NTM: variants seen among roughly 807,000 people sequenced by gnomAD.
NTM encodes the protein neurotrimin.
Under a neutral mutation model 42.1 loss-of-function variants are expected in NTM, and 13 were observed. The observed-to-expected ratio is 0.31, with a 90% confidence interval of 0.20 to 0.49. NTM has a LOEUF of 0.49. NTM is among the 20% of genes least tolerant of loss of function. The pLI is 0.99. For missense variants in NTM, 373 were observed against 452.8 expected, an observed-to-expected ratio of 0.82 and a Z score of 1.60; for synonymous variants, 187 against 179.2, an observed-to-expected ratio of 1.04 and a Z score of -0.35.
chr11:132,115,815 A>T (rs762774216), intron 2 of NTM, among the ~76,000 whole-genome samples: 1 of 152,196 alleles, frequency 6.6e-6, no homozygotes, highest in African/African-American at 2.4e-5. Flanking sequence ...TTACCTGCAA[A>T]TCATTCACAC....
intron 1 of NTM, among the ~76,000 whole-genome samples, chr11:131,742,991 T>C (rs2081369643): frequency 6.6e-6 from 1 of 152,240 alleles, no homozygotes; most frequent in Non-Finnish European, 1.5e-5. Flanking sequence ...CAGCTGTTCA[T>C]GCATTTATGT....
intron 1 of NTM, among the ~76,000 whole-genome samples, chr11:131,518,255 C>T (rs1239992931): frequency 6.6e-6 from 1 of 152,084 alleles, no homozygotes; most frequent in Non-Finnish European, 1.5e-5. Context: ...TTAAAAGACT[C>T]GAGTCACCCA....
At chr11:131,856,481 C>T (rs1416913663) in intron 1 of NTM, among the ~76,000 whole-genome samples, 2 of 152,142 alleles carry the variant, frequency 1.3e-5, no homozygotes, top group African/African-American at 4.8e-5. Flanking sequence ...AAGGCATATA[C>T]ATATCTGTCC....
chr11:131,727,563 T>A (rs897501997), intron 1 of NTM, among the ~76,000 whole-genome samples: 17 of 152,084 alleles, frequency 1.1e-4, no homozygotes, highest in Non-Finnish European at 2.4e-4. Flanking sequence ...TTAGACTAAG[T>A]AAGAAAAAAC....
chr11:131,510,086 T>A (rs1029293963), intron 1 of NTM, among the ~76,000 whole-genome samples: 14 of 152,222 alleles, frequency 9.2e-5, no homozygotes, highest in Middle Eastern at 3.4e-3. Context: ...GGAGGAAAGG[T>A]CATGGGCCTG....
chr11:132,076,584 G>A (rs2058394082), intron 2 of NTM, among the ~76,000 whole-genome samples: 1 of 152,158 alleles, frequency 6.6e-6, no homozygotes, highest in Non-Finnish European at 1.5e-5. Context: ...TTGACAATAA[G>A]TTCTATGGGA....
intron 1 of NTM, among the ~76,000 whole-genome samples, chr11:131,734,372 T>G (rs2080135448): frequency 6.6e-6 from 1 of 152,184 alleles, no homozygotes; most frequent in African/African-American, 2.4e-5. Context: ...CTGATTTACA[T>G]TTTTCTACTT....
chr11:132,212,176 A>G (rs1351706165), intron 4 of NTM, 29 bp downstream of exon 4: 3 of 1,592,908 alleles, frequency 1.9e-6, no homozygotes, highest in Non-Finnish European at 2.6e-6. Flanking sequence ...GCATTGCATC[A>G]TGAGGATAAA....
intron 4 of NTM, among the ~76,000 whole-genome samples, chr11:132,280,257 G>A (rs894305479): frequency 6.6e-6 from 1 of 152,138 alleles, no homozygotes; most frequent in African/African-American, 2.4e-5. Flanking sequence ...TGCTAGCAAA[G>A]TTCCTTGGAT....
chr11:132,059,262 C>T (rs1434271097), intron 2 of NTM, among the ~76,000 whole-genome samples: 1 of 152,164 alleles, frequency 6.6e-6, no homozygotes, highest in African/African-American at 2.4e-5. Context: ...GGTGGTTCAG[C>T]AGCCCAACAA....
chr11:131,853,733 T>C (rs985214376), intron 1 of NTM, among the ~76,000 whole-genome samples: 1 of 152,204 alleles, frequency 6.6e-6, no homozygotes, highest in Non-Finnish European at 1.5e-5. Flanking sequence ...AAGAGAATGA[T>C]TTATATTCCT....
intron 1 of NTM, among the ~76,000 whole-genome samples, chr11:131,842,450 A>G (rs959545981): frequency 2.0e-5 from 3 of 152,114 alleles, no homozygotes; most frequent in East Asian, 1.9e-4. Context: ...TTCTTACTGT[A>G]TTAAGAAAAT....
chr11:132,143,213 G>A (rs559601520), intron 2 of NTM, among the ~76,000 whole-genome samples: 14 of 152,250 alleles, frequency 9.2e-5, no homozygotes, highest in Non-Finnish European at 1.9e-4. Context: ...GGAAACACAC[G>A]TCTAGGTTAG....
At chr11:131,854,950 C>T (rs983999239) in intron 1 of NTM, among the ~76,000 whole-genome samples, 3 of 151,980 alleles carry the variant, frequency 2.0e-5, no homozygotes, top group African/African-American at 7.3e-5. Context: ...GGTGGAAATG[C>T]AGGCAATATA....
At chr11:131,516,244 A>G (rs1421511090) in intron 1 of NTM, among the ~76,000 whole-genome samples, 2 of 152,232 alleles carry the variant, frequency 1.3e-5, no homozygotes, top group Non-Finnish European at 2.9e-5. Flanking sequence ...GGTATTATGT[A>G]ATTCCTATAT....
At chr11:131,448,582 C>G (rs557722588) in intron 1 of NTM, among the ~76,000 whole-genome samples, 2 of 152,374 alleles carry the variant, frequency 1.3e-5, no homozygotes, top group African/African-American at 2.4e-5. Context: ...TGCCTCACTT[C>G]CAATTTCTTC....
intron 1 of NTM, among the ~76,000 whole-genome samples, chr11:131,747,807 C>T (rs1435251201): frequency 6.6e-6 from 1 of 152,192 alleles, no homozygotes; most frequent in African/African-American, 2.4e-5. Flanking sequence ...CTGCCATTGA[C>T]ATTGTATTGT....
chr11:131,460,629 T>G (rs1474228877), intron 1 of NTM, among the ~76,000 whole-genome samples: 1 of 152,150 alleles, frequency 6.6e-6, no homozygotes, highest in Non-Finnish European at 1.5e-5. Context: ...CTCAGCTCAC[T>G]GCAACCTCTG....
intron 3 of NTM, among the ~76,000 whole-genome samples, chr11:132,168,033 G>A (rs922257782): frequency 5.9e-5 from 9 of 152,132 alleles, no homozygotes; most frequent in African/African-American, 1.4e-4. Flanking sequence ...AATGTTTTGC[G>A]ATCCACATAG....
Sources: gnomAD v4.1 joint callset for allele counts (sites outside exome capture counted in the v4.1 genomes callset) on GRCh38, gnomAD v4.1.1 for gene constraint, MANE v1.5 for transcripts, NCBI Gene and HGNC (gene_info 2026-07-23, HGNC 2026-07-21) for gene names.